The following ESR2 variants were observed in gnomAD, a reference collection of about 807,000 sequenced individuals.
ESR2 encodes the protein estrogen receptor beta.
ESR2 carries 36 observed loss-of-function variants against 49.6 expected under a neutral mutation model. The ratio of observed to expected loss-of-function variants is 0.73; its 90% confidence interval spans 0.56 to 0.96. The LOEUF is 0.96. Among genes scored for constraint, ESR2 ranks in the 40% least tolerant of loss-of-function variants. The pLI is 0.00. For synonymous variants in ESR2, 320 were observed against 266.1 expected, an observed-to-expected ratio of 1.20 and a Z score of -1.97; for missense variants, 714 against 693.0, an observed-to-expected ratio of 1.03 and a Z score of -0.34.
chr14:64,245,296 G>A (rs769371572), intron 7 of ESR2, among the ~76,000 whole-genome samples: 23 of 152,006 alleles, frequency 1.5e-4, no homozygotes, highest in Non-Finnish European at 2.8e-4. Flanking sequence ...AGCGGATCAC[G>A]AGGTCAGGAG....
rs80326062 is a variant in ESR2 at position 64,302,160 on chromosome 14, TTTTATTTA to T, written c.-90-19093_-90-19086del. On this transcript the variant is annotated intron_variant, in intron 1 of 8. Transcript: ENST00000358599. ...CCTGGGTCACTTTTTTATTTTTTATTTTTATTTATTTATTTATTTATTTATTTATTTAT... is the reference window on the plus strand; with the variant it reads ...CCTGGGTCACTTTTTTATTTTTTATTTTTATTTATTTATTTATTTATTTAT... 9.5e-3 allele frequency among the ~76,000 whole-genome samples: 1,307 copies of T among 138,190 alleles called. 10 individuals are homozygous for T. Among genetic ancestry groups the T allele is most frequent in the East Asian group, 0.025 (115 of 4,554 alleles). 90.7% of individuals were successfully genotyped at this position (138,190 alleles called of 152,430 possible). A position where few individuals can be genotyped will look rare whatever the true frequency, so the allele number is the denominator to read the frequency against.
At chr14:64,258,576 A>G (rs185174167) in intron 5 of ESR2, among the ~76,000 whole-genome samples, 2 of 152,326 alleles carry the variant, frequency 1.3e-5, no homozygotes, top group East Asian at 1.9e-4. Flanking sequence ...AGGATCTCTT[A>G]TCATTCTTGT....
chr14:64,242,027 G>T (rs1283459188), intron 7 of ESR2, among the ~76,000 whole-genome samples: 5 of 152,166 alleles, frequency 3.3e-5, no homozygotes, highest in Non-Finnish European at 2.9e-5. Context: ...CCCTTTAATG[G>T]ATTGAGGAAG....
At chr14:64,260,858 A>G (rs1316333659) in intron 4 of ESR2, 110 bp from the exon 5 acceptor site, 3 of 1,047,944 alleles carry the variant, frequency 2.9e-6, no homozygotes, top group Non-Finnish European at 3.9e-6. Context: ...AAAGATTACT[A>G]TGGTCGTGAC....
At chr14:64,260,393 A>T in intron 5 of ESR2, 56 bp downstream of exon 5, 1 of 1,470,652 alleles carries the variant, frequency 6.8e-7, no homozygotes, top group Non-Finnish European at 9.2e-7. Flanking sequence ...CCCCTTAAAT[A>T]TTAGCGGCCG....
intron 1 of ESR2, among the ~76,000 whole-genome samples, chr14:64,312,447 C>T (rs918666926): frequency 3.3e-5 from 5 of 151,718 alleles, no homozygotes; most frequent in Non-Finnish European, 5.9e-5. Flanking sequence ...TTTGGGAGGC[C>T]GAAGCAAGCA....
intron 1 of ESR2, among the ~76,000 whole-genome samples, chr14:64,306,669 A>T (rs1457145384): frequency 6.6e-6 from 1 of 152,200 alleles, no homozygotes; most frequent in Non-Finnish European, 1.5e-5. Flanking sequence ...ACATATTGTT[A>T]GGTTAGATTT....
At chr14:64,292,432 C>T (rs970736969) in intron 1 of ESR2, among the ~76,000 whole-genome samples, 12 of 152,134 alleles carry the variant, frequency 7.9e-5, no homozygotes, top group Admixed American at 2.6e-4. Context: ...CATAGAGGTA[C>T]ATTTACAGAG....
intron 1 of ESR2, among the ~76,000 whole-genome samples, chr14:64,316,989 C>T (rs2077263486): frequency 6.6e-6 from 1 of 151,690 alleles, no homozygotes; most frequent in Non-Finnish European, 1.5e-5. Flanking sequence ...TTGAGGCCAA[C>T]TGTGGTGGCT....
Position 64,243,222 on chromosome 14 carries a change from C to T in ESR2, c.1225+6324G>A, listed in dbSNP as rs117670667. ...GTGGTGGGGCCACCAGTTGGTGGAG[C>T]AGTCAGAACACACAAATTTATAGGT... On this transcript the variant is annotated intron_variant, in intron 7 of 8. Transcript: ENST00000341099. Among the ~76,000 whole-genome samples, 625 of 152,296 alleles carry T rather than the reference C, an allele frequency of 4.1e-3. 3 individuals are homozygous for T. The highest frequency in any genetic ancestry group is 5.9e-3 in the Non-Finnish European group (398 of 68,012).
chr14:64,275,759 C>A (rs2076546762), intron 3 of ESR2, among the ~76,000 whole-genome samples: 1 of 152,042 alleles, frequency 6.6e-6, no homozygotes, highest in African/African-American at 2.4e-5. Flanking sequence ...TTCCTTTAGA[C>A]TTTCTACTCA....
At chr14:64,228,103 T>C (rs749706143), downstream of ESR2, 1 of 1,312,344 alleles carries the variant, frequency 7.6e-7, no homozygotes, top group Admixed American at 3.7e-5. Context: ...GAAATTGTTC[T>C]TTTTAAGAAG....
chr14:64,322,765 T>A (rs1339690156), intron 1 of ESR2, among the ~76,000 whole-genome samples: 3 of 152,170 alleles, frequency 2.0e-5, no homozygotes, highest in Non-Finnish European at 4.4e-5. Flanking sequence ...TGTGACCCTA[T>A]CAGCTCATAT....
chr14:64,239,509 AT>A (rs1424259157), intron 7 of ESR2, among the ~76,000 whole-genome samples: 1 of 152,234 alleles, frequency 6.6e-6, no homozygotes, highest in East Asian at 1.9e-4. Flanking sequence ...AATTTAAAAT[AT>A]TTTAAAGACT....
intron 6 of ESR2, among the ~76,000 whole-genome samples, chr14:64,252,029 G>C (rs1402302494): frequency 6.6e-6 from 1 of 152,214 alleles, no homozygotes; most frequent in Non-Finnish European, 1.5e-5. Context: ...ATTAAAGACA[G>C]GGCTGGCTGG....
rs1294904395 is a variant in ESR2 at position 64,294,085 on chromosome 14, T to C, written c.-143A>G. 2 of 152,122 alleles carry C rather than the reference T, an allele frequency of 1.3e-5. No homozygotes were observed. The highest frequency in any genetic ancestry group is 2.9e-5 in the Non-Finnish European group (2 of 68,086). The allele number at this position is 152,122 out of a possible 1,614,324, so 9.4% of individuals were successfully genotyped here. A position where few individuals can be genotyped will look rare whatever the true frequency, so the allele number is the denominator to read the frequency against. The stretch of plus-strand genomic sequence containing the variant: ...TTCTCTAAAATGCGGACACGTGCTT[T>C]TCCCGCATTAGGGGGGGTCTCCCGG... On this transcript the variant is annotated 5_prime_UTR_variant, in exon 1 of 9. Transcript: ENST00000341099.
chr14:64,265,116 C>A (rs1014071190), intron 4 of ESR2, among the ~76,000 whole-genome samples: 2 of 152,116 alleles, frequency 1.3e-5, no homozygotes, highest in Non-Finnish European at 2.9e-5. Context: ...AAGCCCTTGA[C>A]AAGGAGCTCA....
chr14:64,258,102 T>A (rs1434075514), intron 5 of ESR2, among the ~76,000 whole-genome samples: 1 of 152,026 alleles, frequency 6.6e-6, no homozygotes, highest in Admixed American at 6.6e-5. Flanking sequence ...CCAGATACTC[T>A]GGAGGCTGAA....
chr14:64,294,891 C>T (rs915850432), upstream of ESR2, among the ~76,000 whole-genome samples: 3 of 152,222 alleles, frequency 2.0e-5, no homozygotes, highest in African/African-American at 4.8e-5. Flanking sequence ...GAAGGCCTTT[C>T]GCGTTAGATC....
Sources: gnomAD v4.1 joint callset for allele counts (sites outside exome capture counted in the v4.1 genomes callset) on GRCh38, gnomAD v4.1.1 for gene constraint, MANE v1.5 for transcripts, NCBI Gene and HGNC (gene_info 2026-07-23, HGNC 2026-07-21) for gene names.